Variants in PRKCB observed in about 807,000 individuals in gnomAD.
PRKCB encodes the protein protein kinase C beta.
Under a neutral mutation model 81.5 loss-of-function variants are expected in PRKCB, and 13 were observed. The observed-to-expected ratio is 0.16, with a 90% CI of 0.10 to 0.25. The LOEUF is 0.25. PRKCB is among the 10% of genes least tolerant of loss of function. The pLI is 1.00. For synonymous variants in PRKCB, 335 were observed against 321.4 expected (o/e 1.04, Z -0.45); for missense variants, 509 against 875.7 (o/e 0.58, Z 5.29).
At chr16:23,957,443 G>T (rs1964364724) in intron 2 of PRKCB, among the ~76,000 whole-genome samples, 1 of 152,136 alleles carries the variant, frequency 6.6e-6, no homozygotes, top group Admixed American at 6.6e-5. Context: ...TTTTGAGAAA[G>T]TTGAGTACCC....
In PRKCB at chr16:23,951,579, CTT is replaced by C. The variant is rs11354474; in HGVS notation, c.206-36911_206-36910del. ...TACAGGCACACACCACTATGCCAGG[CTT>C]TTTTTTTTTTTTTTTTTGTAGAGAC... On this transcript the variant is annotated intron_variant, in intron 2 of 16. Transcript: ENST00000643927. Among the ~76,000 whole-genome samples the C allele has an allele frequency of 7.2e-3, 699 of 97,566 alleles. 3 individuals carry two copies. The highest frequency in any genetic ancestry group is 0.023 in the African/African-American group (585 of 25,132). The allele number at this position is 97,566 out of a possible 152,430, so 64.0% of individuals were successfully genotyped here.
At chr16:24,061,091 T>C (rs1329173156) in intron 5 of PRKCB, among the ~76,000 whole-genome samples, 1 of 152,086 alleles carries the variant, frequency 6.6e-6, no homozygotes, top group African/African-American at 2.4e-5. Flanking sequence ...GACAGGGTCT[T>C]GCTCTGTTGC....
intron 5 of PRKCB, among the ~76,000 whole-genome samples, chr16:24,079,972 T>C (rs946268158): frequency 1.3e-5 from 2 of 152,224 alleles, no homozygotes; most frequent in Non-Finnish European, 2.9e-5. Flanking sequence ...CGTCATTTTT[T>C]AAGATAATTA....
chr16:24,122,449 CTTTT>C (rs35364143), intron 8 of PRKCB, among the ~76,000 whole-genome samples: 4 of 97,636 alleles, frequency 4.1e-5, no homozygotes, highest in African/African-American at 5.4e-5. Flanking sequence ...TACCACGAGG[CTTTT>C]TTTTTTTTTT....
intron 4 of PRKCB, among the ~76,000 whole-genome samples, chr16:24,033,021 G>A (rs1965568286): frequency 6.6e-6 from 1 of 152,340 alleles, no homozygotes. Flanking sequence ...TGGCCAGGAT[G>A]TGGTAGGAAA....
At chr16:24,016,121 T>C (rs1477719565) in intron 3 of PRKCB, among the ~76,000 whole-genome samples, 5 of 152,086 alleles carry the variant, frequency 3.3e-5, no homozygotes, top group African/African-American at 1.2e-4. Context: ...AGGGTTATTA[T>C]CCTAGCTCCC....
intron 16 of PRKCB, among the ~76,000 whole-genome samples, chr16:24,197,629 G>C (rs1368017195): frequency 7.9e-5 from 12 of 152,314 alleles, no homozygotes; most frequent in Non-Finnish European, 8.8e-5. Flanking sequence ...ATCCCTCTGA[G>C]TGCTGCAGGG....
chr16:24,188,184 T>TG (rs1294716518), intron 15 of PRKCB, among the ~76,000 whole-genome samples: 1 of 152,156 alleles, frequency 6.6e-6, no homozygotes, highest in Non-Finnish European at 1.5e-5. Flanking sequence ...CATGATTAAC[T>TG]GGGGTGACTC....
intron 2 of PRKCB, among the ~76,000 whole-genome samples, chr16:23,838,741 ATG>A (rs1454805246): frequency 6.6e-6 from 1 of 152,204 alleles, no homozygotes; most frequent in Non-Finnish European, 1.5e-5. Flanking sequence ...TGCTGGCAGC[ATG>A]GCACTGTGCT....
At chr16:24,130,839 G>A (rs1458687689) in intron 9 of PRKCB, among the ~76,000 whole-genome samples, 1 of 152,190 alleles carries the variant, frequency 6.6e-6, no homozygotes, top group Non-Finnish European at 1.5e-5. Context: ...ATATAGCCAC[G>A]TGGCCACACT....
chr16:24,043,099 T>A (rs1965723095), intron 5 of PRKCB, among the ~76,000 whole-genome samples: 1 of 152,198 alleles, frequency 6.6e-6, no homozygotes, highest in Admixed American at 6.5e-5. Flanking sequence ...CTAACCCTTA[T>A]CAAATTAATT....
At chr16:24,058,114 T>C (rs1965927666) in intron 5 of PRKCB, among the ~76,000 whole-genome samples, 1 of 152,148 alleles carries the variant, frequency 6.6e-6, no homozygotes, top group Non-Finnish European at 1.5e-5. Context: ...TGCTCTTCCC[T>C]CAGCTTGGGT....
chr16:23,990,187 G>A (rs931530805), intron 3 of PRKCB, among the ~76,000 whole-genome samples: 4 of 151,968 alleles, frequency 2.6e-5, no homozygotes, highest in South Asian at 2.1e-4. Context: ...GGCCAGGCAC[G>A]GTGGCTCACG....
intron 9 of PRKCB, among the ~76,000 whole-genome samples, chr16:24,144,815 A>T (rs12934239): frequency 6.6e-6 from 1 of 152,138 alleles, no homozygotes; most frequent in Non-Finnish European, 1.5e-5. Flanking sequence ...TACTCATGAA[A>T]TCCTTTCATT....
At chr16:24,195,780 A>T (rs1967869150) in intron 16 of PRKCB, among the ~76,000 whole-genome samples, 1 of 152,188 alleles carries the variant, frequency 6.6e-6, no homozygotes, top group Non-Finnish European at 1.5e-5. Context: ...GCTCCTTGGC[A>T]TATATGGCTT....
chr16:23,951,580 T>C (rs908777644), intron 2 of PRKCB, among the ~76,000 whole-genome samples: 5 of 11,226 alleles, frequency 4.5e-4, no homozygotes, highest in African/African-American at 1.3e-3. Flanking sequence ...TATGCCAGGC[T>C]TTTTTTTTTT....
At chr16:24,138,845 C>CTTTTTTTTT (rs991952336) in intron 9 of PRKCB, among the ~76,000 whole-genome samples, 8 of 78,844 alleles carry the variant, frequency 1.0e-4, no homozygotes, top group East Asian at 8.5e-4. Flanking sequence ...CAGTATTTGT[C>CTTTTTTTTT]TTTTTTTTTT....
In PRKCB at chr16:24,191,179, T is replaced by C. The variant is rs750215960; in HGVS notation, c.1812T>C (p.Asp604=). 6.8e-6 allele frequency: 11 copies of C among 1,614,098 alleles called. No homozygotes were observed. Among genetic ancestry groups the C allele is most frequent in the Non-Finnish European group, 9.3e-6 (11 of 1,180,004 alleles). ...AGCATGCATTTTTCCGGTATATTGA[T>C]TGGGAGAAACTTGAACGCAAAGAGA... is the stretch of plus-strand genomic sequence containing the variant. The part of the protein sequence containing the change: ...IKEHAFFRYI[D]WEKLERKEIQ... The change falls in exon 16 of 17, where the codon GAT becomes GAC. Residue 604 remains aspartate (D), a synonymous_variant. Coordinates refer to ENST00000643927, the MANE Select transcript of PRKCB (RefSeq NM_002738.7).
At chr16:24,128,555 G>GT (rs894290067) in intron 9 of PRKCB, among the ~76,000 whole-genome samples, 1 of 152,148 alleles carries the variant, frequency 6.6e-6, no homozygotes, top group African/African-American at 2.4e-5. Context: ...TGGAGAGTTT[G>GT]TTTTTTTAAA....
Sources: allele counts gnomAD v4.1 joint callset (sites outside exome capture counted in the v4.1 genomes callset), GRCh38; gene constraint gnomAD v4.1.1; transcripts MANE v1.5; gene names NCBI Gene and HGNC (gene_info 2026-07-23, HGNC 2026-07-21).